RDH13: variants seen among roughly 807,000 people sequenced by gnomAD.
The protein encoded by RDH13 is retinol dehydrogenase 13.
RDH13 carries 35 observed loss-of-function variants against 28.3 expected under a neutral mutation model. That is an observed-to-expected ratio of 1.24 (90% CI 0.95 to 1.64). The LOEUF is 1.64. Ranked by LOEUF, RDH13 falls within the 40% of genes most tolerant of loss-of-function variation. The pLI is 0.00. For missense variants in RDH13, 514 were observed against 446.3 expected, an observed-to-expected ratio of 1.15 and a Z score of -1.37; for synonymous variants, 229 against 198.5, an observed-to-expected ratio of 1.15 and a Z score of -1.29.
In RDH13 at chr19:55,056,786, G is replaced by A; in HGVS notation, c.207C>T (p.Cys69=). 6.2e-7 allele frequency: 1 copy of A among 1,614,024 alleles called. No individual in the cohort carries two copies. Among genetic ancestry groups the A allele is most frequent in the Non-Finnish European group, 8.5e-7 (1 of 1,179,996 alleles). Residue 69 remains cysteine, a synonymous_variant, in exon 3 of 7, where the codon TGC becomes TGT. Transcript: ENST00000415061. ...CCGCCTCACACTTCTCCATGTCTCG[G>A]CAGGCCAGGATGATGTTGCCTCCTG... ...ARRGGNIILA[C]RDMEKCEAAA...
At chr19:55,040,720 A>G (rs1008696290), downstream of RDH13, 5 of 152,256 alleles carry the variant, frequency 3.3e-5, no homozygotes, top group Admixed American at 1.3e-4. Flanking sequence ...TTATTGGTAA[A>G]ATAAGATTAG....
intron 4 of RDH13, 34 bp downstream of exon 4, chr19:55,048,625 T>G: frequency 1.2e-6 from 2 of 1,611,824 alleles, no homozygotes; most frequent in Non-Finnish European, 8.5e-7. Context: ...GAGGATCGCT[T>G]GAACCCATGG....
intron 3 of RDH13, among the ~76,000 whole-genome samples, chr19:55,055,086 T>G (rs1654444): frequency 0.85 from 129,762 of 152,064 alleles, 55,493 homozygotes; most frequent in East Asian, 0.97. Flanking sequence ...AAACCTATTA[T>G]AAACAAGACT....
downstream of RDH13, chr19:55,040,477 A>G (rs1198562012): frequency 6.6e-6 from 1 of 152,232 alleles, no homozygotes; most frequent in Non-Finnish European, 1.5e-5. Context: ...GTGCACTTAC[A>G]GGTGGTTAAA....
rs1276714321 is a variant in RDH13, at chr19:55,044,887, G to T, written c.*187C>A. The T allele has an allele frequency of 5.3e-6, 3 of 561,038 alleles. No homozygotes were observed. The highest frequency in any genetic ancestry group is 3.1e-6 in the Non-Finnish European group (1 of 317,626). 34.8% of individuals were successfully genotyped at this position (561,038 alleles called of 1,614,324 possible). On this transcript the variant is annotated 3_prime_UTR_variant, in exon 7 of 7. Coordinates refer to ENST00000415061, the MANE Select transcript of RDH13 (RefSeq NM_001145971.2). ...AGCAGAGCAGACGGAACCAGCCAGA[G>T]CCCAGGGCAGTGCTCACCTGCAGGC...
chr19:55,064,294 A>ACG (rs1568743419), upstream of RDH13: 12 of 151,948 alleles, frequency 7.9e-5, no homozygotes, highest in Admixed American at 3.9e-4. Context: ...GGTGGCACTC[A>ACG]CCTGTAGTCC....
intron 3 of RDH13, among the ~76,000 whole-genome samples, chr19:55,049,168 G>C (rs2075345536): frequency 6.6e-6 from 1 of 152,178 alleles, no homozygotes; most frequent in Non-Finnish European, 1.5e-5. Context: ...GCACGTCTGA[G>C]GGTGTAAGCC....
chr19:55,059,396 C>T, intron 1 of RDH13, 121 bp from the exon 2 acceptor site: 1 of 648,228 alleles, frequency 1.5e-6, no homozygotes. Context: ...GAAACACAGA[C>T]ATCATCACAT....
chr19:55,051,066 CT>C (rs1221760127), intron 3 of RDH13: 2 of 151,058 alleles, frequency 1.3e-5, no homozygotes, highest in Non-Finnish European at 1.5e-5. Flanking sequence ...TGTATACTTA[CT>C]CATTCAGTAA....
At chr19:55,050,288 T>G (rs2075387503) in intron 3 of RDH13, among the ~76,000 whole-genome samples, 2 of 152,012 alleles carry the variant, frequency 1.3e-5, no homozygotes, top group African/African-American at 4.8e-5. Flanking sequence ...GTTAATTTTT[T>G]GTATCTTTAG....
At chr19:55,053,500 T>A (rs936274507) in intron 3 of RDH13, among the ~76,000 whole-genome samples, 1 of 150,800 alleles carries the variant, frequency 6.6e-6, no homozygotes, top group South Asian at 2.1e-4. Flanking sequence ...GTAAAAAATA[T>A]AAAAAATTAG....
Position 55,059,208 on chromosome 19 carries a change from C to CGGGAT in RDH13, c.132_133insATCCC (p.Gly45IlefsTer79). The stretch of plus-strand genomic sequence containing the variant: ...TGCTTCCCGATGCCTGTGTTGGCAC[C>CGGGAT]CGTCACGATGACCGTCTTCCCAGGG... On this transcript the variant is annotated frameshift_variant, in exon 2 of 7. Coordinates refer to ENST00000415061, the MANE Select transcript of RDH13 (RefSeq NM_001145971.2). LOFTEE classifies it high-confidence loss of function. 6.2e-7 allele frequency: 1 copy of CGGGAT among 1,604,866 alleles called. No individual in the cohort carries two copies. The highest frequency in any genetic ancestry group is 2.2e-5 in the East Asian group (1 of 44,508).
downstream of RDH13, chr19:55,039,363 C>T (rs986098870): frequency 6.6e-6 from 1 of 152,172 alleles, no homozygotes; most frequent in Non-Finnish European, 1.5e-5. Context: ...GAAACCCCAT[C>T]TCTACTAAAA....
At chr19:55,061,807 C>T (rs2075815691) in intron 1 of RDH13, among the ~76,000 whole-genome samples, 1 of 144,144 alleles carries the variant, frequency 6.9e-6, no homozygotes. Context: ...AAAAAAAAGA[C>T]TACATGATAA....
chr19:55,057,418 G>A (rs2147054215), intron 2 of RDH13, among the ~76,000 whole-genome samples: 1 of 147,266 alleles, frequency 6.8e-6, no homozygotes, highest in Non-Finnish European at 1.5e-5. Context: ...CAAGGCAAGA[G>A]GATTCCCCAT....
In RDH13 at chr19:55,063,040, C is replaced by A. The variant is rs1301807483; in HGVS notation, c.-8G>T. The A allele has an allele frequency of 7.9e-7, 1 of 1,270,922 alleles. No individual in the cohort carries two copies. Among genetic ancestry groups the A allele is most frequent in the Non-Finnish European group, 1.0e-6 (1 of 1,001,032 alleles). The allele number at this position is 1,270,922 out of a possible 1,614,324, so 78.7% of individuals were successfully genotyped here. On this transcript the variant is annotated 5_prime_UTR_variant, in exon 1 of 7. Coordinates refer to ENST00000415061, the MANE Select transcript of RDH13 (RefSeq NM_001145971.2). The stretch of plus-strand genomic sequence containing the variant: ...CAGCAGGTAGCGGCTCATGCCGGGC[C>A]GGGGACAGGCGTCAGGCGTCAGGGG...
intron 6 of RDH13, 56 bp from the exon 7 acceptor site, chr19:55,045,365 GCCCCGCT>G (rs2075185921): frequency 1.4e-6 from 2 of 1,418,182 alleles, no homozygotes; most frequent in South Asian, 1.3e-5. Context: ...AAGGAAGGAA[GCCCCGCT>G]CCCCGGTCAG....
chr19:55,066,489 TTC>T (rs542504675), upstream of RDH13, among the ~76,000 whole-genome samples: 23 of 80,770 alleles, frequency 2.8e-4, 1 homozygote, highest in South Asian at 3.4e-3. Flanking sequence ...CTGTCCTCTT[TTC>T]TCTCTCTCTC....
At chr19:55,045,623 AAATGC>A (rs1477220711) in intron 6 of RDH13, among the ~76,000 whole-genome samples, 1 of 152,168 alleles carries the variant, frequency 6.6e-6, no homozygotes, top group Non-Finnish European at 1.5e-5. Context: ...ACATCTTATT[AAATGC>A]ACCTGGCACC....
Sources: gnomAD v4.1 joint callset for allele counts (sites outside exome capture counted in the v4.1 genomes callset) on GRCh38, gnomAD v4.1.1 for gene constraint, MANE v1.5 for transcripts, NCBI Gene and HGNC (gene_info 2026-07-23, HGNC 2026-07-21) for gene names.